The following TUBGCP3 variants were observed in gnomAD, a reference collection of about 807,000 sequenced individuals.
TUBGCP3 encodes gamma-tubulin complex component 3.
Under a neutral mutation model 123.1 loss-of-function variants are expected in TUBGCP3, and 50 were observed. The ratio of observed to expected loss-of-function variants is 0.41; its 90% CI spans 0.32 to 0.51. The LOEUF (loss-of-function observed/expected upper bound fraction) is 0.51. Ranked by LOEUF, TUBGCP3 falls within the 20% of genes least tolerant of loss-of-function variation. The probability of loss-of-function intolerance (pLI) is 0.36; values close to 1 mark genes in which losing one functional copy is unlikely to be tolerated. For missense variants in TUBGCP3, 882 were observed against 1,127.0 expected, an observed-to-expected ratio of 0.78 and a Z score of 3.11; for synonymous variants, 405 against 413.9, an observed-to-expected ratio of 0.98 and a Z score of 0.26.
At chr13:112,525,054 C>A (rs2139081356) in intron 13 of TUBGCP3, among the ~76,000 whole-genome samples, 1 of 152,324 alleles carries the variant, frequency 6.6e-6, no homozygotes, top group East Asian at 1.9e-4. Context: ...AAGAGAACAT[C>A]TGTCATTCCA....
chr13:112,557,546 C>T (rs1360850732), intron 5 of TUBGCP3, among the ~76,000 whole-genome samples: 1 of 152,172 alleles, frequency 6.6e-6, no homozygotes. Context: ...AAAGCAAAGC[C>T]ACCCGTTTAT....
rs188693231 is a variant in TUBGCP3, at chr13:112,563,263, G to T, written c.252+1848C>A. On this transcript the variant is annotated intron_variant, in intron 3 of 21. Coordinates refer to ENST00000261965, the MANE Select transcript of TUBGCP3 (RefSeq NM_006322.6). ...GTCTGCACAGCACACCCACATACGGGGCCCTAACTAAGACAAGATAAAAAA... is the reference window on the plus strand; with the variant it reads ...GTCTGCACAGCACACCCACATACGGTGCCCTAACTAAGACAAGATAAAAAA... Among the ~76,000 whole-genome samples the T allele has an allele frequency of 7.0e-4, 106 of 152,186 alleles. 1 individual carries two copies. Among genetic ancestry groups the T allele is most frequent in the Admixed American group, 4.2e-3 (65 of 15,296 alleles).
intron 7 of TUBGCP3, among the ~76,000 whole-genome samples, chr13:112,554,534 AAGTG>A (rs1345035145): frequency 6.6e-6 from 1 of 152,116 alleles, no homozygotes; most frequent in Non-Finnish European, 1.5e-5. Flanking sequence ...AAGGAAACAA[AAGTG>A]GGTGAAGACC....
chr13:112,502,811 C>G (rs1881020887), intron 19 of TUBGCP3, among the ~76,000 whole-genome samples: 1 of 152,060 alleles, frequency 6.6e-6, no homozygotes, highest in East Asian at 1.9e-4. Flanking sequence ...TCCCAAAGTG[C>G]TGGGATTACA....
chr13:112,544,409 A>C (rs1042010988), intron 11 of TUBGCP3: 2 of 140,290 alleles, frequency 1.4e-5, no homozygotes, highest in East Asian at 2.3e-4. Context: ...GCCGAGATTG[A>C]GCCACTGCAC....
At chr13:112,521,401 GTCTCAAACAGTGCT>G (rs1378998443) in intron 14 of TUBGCP3, among the ~76,000 whole-genome samples, 1 of 152,248 alleles carries the variant, frequency 6.6e-6, no homozygotes, top group Non-Finnish European at 1.5e-5. Context: ...GAGCCTGCAT[GTCTCAAACAGTGCT>G]TCTCAATGTG....
At chr13:112,491,655 A>C (rs530671542) in intron 20 of TUBGCP3, among the ~76,000 whole-genome samples, 2 of 152,278 alleles carry the variant, frequency 1.3e-5, no homozygotes, top group East Asian at 3.9e-4. Flanking sequence ...CTCCCCACCA[A>C]CAACCCTTTT....
intron 17 of TUBGCP3, among the ~76,000 whole-genome samples, chr13:112,509,999 T>A (rs1399798324): frequency 6.6e-6 from 1 of 152,162 alleles, no homozygotes; most frequent in Non-Finnish European, 1.5e-5. Flanking sequence ...GACCCACAAG[T>A]AACTATATAA....
chr13:112,554,190 G>C lies in TUBGCP3; in HGVS notation c.841-8C>G. The C allele has an allele frequency of 6.2e-7, 1 of 1,612,458 alleles. No homozygotes were observed. Among genetic ancestry groups the C allele is most frequent in the Non-Finnish European group, 8.5e-7 (1 of 1,179,598 alleles). ...AGACCTACTTAGATTTGCCTAAAAA[G>C]TAAATACATCAAATGTTAAACATTA... On this transcript the variant is annotated splice_polypyrimidine_tract_variant and splice_region_variant and intron_variant, in intron 7 of 21. Transcript: ENST00000261965.
At chr13:112,547,927 T>A (rs368145913) in intron 9 of TUBGCP3, among the ~76,000 whole-genome samples, 175 bp from the exon 10 acceptor site, 24 of 152,162 alleles carry the variant, frequency 1.6e-4, no homozygotes, top group African/African-American at 5.5e-4. Context: ...ACCCCGAAAA[T>A]TGGCAATTAA....
chr13:112,523,405 A>C (rs1876784395), intron 13 of TUBGCP3, among the ~76,000 whole-genome samples: 1 of 152,242 alleles, frequency 6.6e-6, no homozygotes, highest in African/African-American at 2.4e-5. Flanking sequence ...AAAGCAGTTA[A>C]GACAGGCCTA....
intron 11 of TUBGCP3, among the ~76,000 whole-genome samples, chr13:112,530,722 C>CA (rs912769177): frequency 5.3e-5 from 8 of 150,874 alleles, no homozygotes; most frequent in African/African-American, 1.5e-4. Flanking sequence ...GCCTTGGTGT[C>CA]AAAAAAAAAT....
chr13:112,516,357 G>C, intron 17 of TUBGCP3, 83 bp downstream of exon 17: 5 of 1,394,556 alleles, frequency 3.6e-6, no homozygotes, highest in Middle Eastern at 2.6e-4. Context: ...CTTAACTTCT[G>C]CGGAGTTGCT....
chr13:112,523,845 T>A (rs1246781909), intron 13 of TUBGCP3, among the ~76,000 whole-genome samples: 1 of 152,212 alleles, frequency 6.6e-6, no homozygotes, highest in African/African-American at 2.4e-5. Flanking sequence ...CTTCATAACT[T>A]TTTCACAGAT....
chr13:112,556,727 A>G (rs1187075066), intron 5 of TUBGCP3, among the ~76,000 whole-genome samples: 1 of 152,200 alleles, frequency 6.6e-6, no homozygotes, highest in African/African-American at 2.4e-5. Context: ...AAGAAACTGC[A>G]ATTTTCAATT....
chr13:112,528,909 T>C (rs1309627304), intron 11 of TUBGCP3, among the ~76,000 whole-genome samples: 5 of 152,124 alleles, frequency 3.3e-5, no homozygotes, highest in African/African-American at 4.8e-5. Context: ...TGGAGTACAC[T>C]GGCATGATCT....
chr13:112,518,077 C>T (rs535953507), intron 16 of TUBGCP3, among the ~76,000 whole-genome samples: 1 of 151,818 alleles, frequency 6.6e-6, no homozygotes, highest in Non-Finnish European at 1.5e-5. Context: ...GGTTACACAC[C>T]AGGAATTTAT....
chr13:112,546,288 T>C (rs1406542065), intron 10 of TUBGCP3: 1 of 173,162 alleles, frequency 5.8e-6, no homozygotes. Flanking sequence ...TACTTTTTTT[T>C]TGGTATGGTA....
At chr13:112,604,572 A>G in the TUBGCP3 span, 25,120 of 152,234 alleles carry the variant, frequency 0.17, 3,190 homozygotes, top group African/African-American at 0.35. Context: ...TGCTGTAATT[A>G]CAGAAGTGAG....
Sources: allele counts gnomAD v4.1 joint callset (sites outside exome capture counted in the v4.1 genomes callset), GRCh38; gene constraint gnomAD v4.1.1; transcripts MANE v1.5; gene names NCBI Gene and HGNC (gene_info 2026-07-23, HGNC 2026-07-21).